The following PPAT variants were observed in gnomAD, a reference collection of about 807,000 sequenced individuals.
PPAT encodes phosphoribosyl pyrophosphate amidotransferase.
In PPAT, 20 loss-of-function variants were observed where a neutral mutation model predicts 60.2. The observed-to-expected ratio is 0.33, with a 90% CI of 0.23 to 0.48. The LOEUF (loss-of-function observed/expected upper bound fraction) is 0.48, where lower values mean the gene tolerates loss of function less well. Ranked by LOEUF, PPAT falls within the 20% of genes least tolerant of loss-of-function variation. PPAT has a pLI of 0.99. For missense variants in PPAT, 349 were observed against 629.6 expected (o/e 0.55, Z 4.77); for synonymous variants, 194 against 215.1 (o/e 0.90, Z 0.86).
chr4:56,425,935 CACTTG>C (rs2110063941), intron 1 of PPAT, among the ~76,000 whole-genome samples: 1 of 152,330 alleles, frequency 6.6e-6, no homozygotes, highest in East Asian at 1.9e-4. Context: ...TTAACCTCTA[CACTTG>C]ACTTGTCTTT....
intron 1 of PPAT, among the ~76,000 whole-genome samples, chr4:56,427,168 C>G (rs751387504): frequency 8.5e-5 from 13 of 152,210 alleles, no homozygotes; most frequent in Non-Finnish European, 1.2e-4. Flanking sequence ...CGGCTATTAT[C>G]AATAACTCTG....
intron 1 of PPAT, chr4:56,410,674 CAG>C (rs1716406330): frequency 1.0e-6 from 1 of 986,084 alleles, no homozygotes; most frequent in Non-Finnish European, 1.2e-6. Context: ...TAGGAGTATA[CAG>C]AGACTGGAAA....
chr4:56,407,995 GCTATTGGAAC>G (rs1716290249), intron 1 of PPAT: 1 of 322,516 alleles, frequency 3.1e-6, no homozygotes, highest in Non-Finnish European at 5.9e-6. Flanking sequence ...TAATTTAAAA[GCTATTGGAAC>G]CCCAAATATA....
chr4:56,396,598 T>G lies in PPAT; in HGVS notation c.1357+21A>C. 6.3e-7 allele frequency: 1 copy of G among 1,584,804 alleles called. No homozygotes were observed. Among genetic ancestry groups the G allele is most frequent in the Non-Finnish European group, 8.6e-7 (1 of 1,159,344 alleles). On this transcript the variant is annotated intron_variant, in intron 10 of 10. Transcript: ENST00000264220. This position sits in a 1 kb window ranked among gnomAD's most constrained non-coding sequence, Gnocchi z 4.6. ...ATTTTCTCTGTTAATAATCAAAGTT[T>G]ATAGAAATTTTAATACTTACCTAGA...
intron 3 of PPAT, among the ~76,000 whole-genome samples, chr4:56,405,233 T>G (rs1015963207): frequency 2.0e-5 from 3 of 152,218 alleles, no homozygotes; most frequent in Admixed American, 1.3e-4. Flanking sequence ...TCCCATATTC[T>G]AGTTTCCTGT....
chr4:56,416,419 T>C (rs1716752696), intron 1 of PPAT: 45 of 833,450 alleles, frequency 5.4e-5, no homozygotes, highest in Non-Finnish European at 6.4e-5. Flanking sequence ...TGGTTTCTCA[T>C]GTCAGACCAA....
intron 1 of PPAT, among the ~76,000 whole-genome samples, chr4:56,429,812 A>G (rs764135756): frequency 3.9e-5 from 6 of 152,284 alleles, no homozygotes; most frequent in Non-Finnish European, 7.4e-5. Context: ...CATAAACATT[A>G]TCACTATTCT....
chr4:56,420,089 T>C (rs1716963008), intron 1 of PPAT: 1 of 671,406 alleles, frequency 1.5e-6, no homozygotes, highest in Non-Finnish European at 1.8e-6. Context: ...TCATGTTACA[T>C]CACACAGGTT....
At position 56,426,025 on chromosome 4, in the gene PPAT, G is replaced by A. The variant is rs143408548; in HGVS notation, c.128+9325C>T. 4.4e-3 allele frequency among the ~76,000 whole-genome samples: 670 copies of A among 152,226 alleles called. 3 individuals carry two copies. The highest frequency in any genetic ancestry group is 5.6e-3 in the Non-Finnish European group (379 of 68,034). On this transcript the variant is annotated intron_variant, in intron 1 of 10. Transcript: ENST00000264220. ...ACAATCAAATTCACCCAACTAAAGCGTATAACTGTGGTTTTTAGTATATCC... is the reference window on the plus strand; with the variant it reads ...ACAATCAAATTCACCCAACTAAAGCATATAACTGTGGTTTTTAGTATATCC...
intron 1 of PPAT, among the ~76,000 whole-genome samples, chr4:56,412,309 CTTTT>C (rs35987993): frequency 1.4e-5 from 2 of 142,136 alleles, no homozygotes; most frequent in Admixed American, 7.1e-5. Context: ...CTCCCATCAC[CTTTT>C]TTTTTTTTTT....
intron 1 of PPAT, among the ~76,000 whole-genome samples, chr4:56,410,303 G>T (rs374105898): frequency 1.1e-4 from 17 of 152,324 alleles, no homozygotes; most frequent in African/African-American, 3.4e-4. Context: ...CCTTCAGGCT[G>T]AAATGATATA....
rs146342868 is a variant in PPAT, at chr4:56,421,223, A to C, written c.129-13507T>G. On this transcript the variant is annotated intron_variant, in intron 1 of 10. Transcript: ENST00000264220. Reference sequence around the variant, plus strand: ...GTTGTGTGCTCCTTATGAGAATCTAATGCCTGATGATCTGTCATTGTCTCC... The same window carrying C: ...GTTGTGTGCTCCTTATGAGAATCTACTGCCTGATGATCTGTCATTGTCTCC... 1,511 of 154,712 alleles carry C rather than the reference A, an allele frequency of 9.8e-3. 15 individuals are homozygous for C. Among genetic ancestry groups the C allele is most frequent in the African/African-American group, 0.034 (1,429 of 41,584 alleles). The allele number at this position is 154,712 out of a possible 1,614,324, so 9.6% of individuals were successfully genotyped here.
At chr4:56,411,584 A>C (rs1033835710) in intron 1 of PPAT, among the ~76,000 whole-genome samples, 5 of 152,196 alleles carry the variant, frequency 3.3e-5, no homozygotes, top group African/African-American at 4.8e-5. Flanking sequence ...TAGTAGGCAA[A>C]GGGAGGGAAA....
At position 56,393,558 on chromosome 4, in the gene PPAT, A is replaced by C. The variant is rs1715881958; in HGVS notation, c.*1794T>G. 6.6e-6 allele frequency: 1 copy of C among 152,476 alleles called. No individual in the cohort carries two copies. Among genetic ancestry groups the C allele is most frequent in the African/African-American group, 2.4e-5 (1 of 41,436 alleles). 9.4% of individuals were successfully genotyped at this position (152,476 alleles called of 1,614,324 possible). On this transcript the variant is annotated 3_prime_UTR_variant, in exon 11 of 11. Transcript: ENST00000264220. ...AATTGGTAAAAAAAAATTGTAATTGAATTCAGACTTCAGAAAATTGTGAAG... is the reference window on the plus strand; with the variant it reads ...AATTGGTAAAAAAAAATTGTAATTGCATTCAGACTTCAGAAAATTGTGAAG...
chr4:56,430,184 C>T (rs1717508543), intron 1 of PPAT, among the ~76,000 whole-genome samples: 2 of 152,178 alleles, frequency 1.3e-5, no homozygotes, highest in East Asian at 3.9e-4. Flanking sequence ...CAGATTGGGG[C>T]TTTTTTGAAA....
intron 8 of PPAT, chr4:56,399,698 T>G (rs3796539): frequency 0.095 from 20,358 of 214,806 alleles, 1,154 homozygotes; most frequent in East Asian, 0.23. Flanking sequence ...AAATTCATTA[T>G]CAAAATGATA....
intron 9 of PPAT, 68 bp downstream of exon 9, chr4:56,399,111 G>A (rs2110037358): frequency 2.2e-6 from 3 of 1,377,616 alleles, no homozygotes; most frequent in Non-Finnish European, 3.1e-6. Flanking sequence ...TCACTACCCT[G>A]AATTGCAATT....
In PPAT at chr4:56,407,633, T is replaced by C. The variant is rs1308504267; in HGVS notation, c.195+17A>G. The C allele has an allele frequency of 1.4e-5, 22 of 1,583,364 alleles. No individual in the cohort carries two copies. The highest frequency in any genetic ancestry group is 1.6e-5 in the Non-Finnish European group (19 of 1,151,848). Reference sequence around the variant, plus strand: ...GCACTTGGTCTGTCATCAACATTTCTTAAAGTTCAAATTTACCTTGTGTGA... The same window carrying C: ...GCACTTGGTCTGTCATCAACATTTCCTAAAGTTCAAATTTACCTTGTGTGA... On this transcript the variant is annotated intron_variant, in intron 2 of 10. Coordinates refer to ENST00000264220, the MANE Select transcript of PPAT (RefSeq NM_002703.5).
At chr4:56,410,017 A>C (rs1229257525) in intron 1 of PPAT, among the ~76,000 whole-genome samples, 1 of 152,224 alleles carries the variant, frequency 6.6e-6, no homozygotes, top group African/African-American at 2.4e-5. Context: ...ATAATACTAT[A>C]TACCATATGG....
Sources: gnomAD v4.1 joint callset for allele counts (sites outside exome capture counted in the v4.1 genomes callset) on GRCh38, gnomAD v4.1.1 for gene constraint, Gnocchi (gnomAD v3.1) non-coding constraint, MANE v1.5 for transcripts, NCBI Gene and HGNC (gene_info 2026-07-23, HGNC 2026-07-21) for gene names.